Variants in GTF3C4 observed in about 807,000 individuals in gnomAD.
The protein encoded by GTF3C4 is general transcription factor IIIC subunit 4.
A neutral mutation model predicts 67.5 loss-of-function variants in GTF3C4; 28 were observed. The observed-to-expected ratio is 0.41, with a 90% confidence interval of 0.31 to 0.57. The LOEUF is 0.57. Ranked by LOEUF, GTF3C4 falls within the 20% of genes least tolerant of loss-of-function variation. GTF3C4 has a pLI of 0.21. For synonymous variants in GTF3C4, 409 were observed against 393.0 expected, an observed-to-expected ratio of 1.04 and a Z score of -0.48; for missense variants, 831 against 1,033.2, an observed-to-expected ratio of 0.80 and a Z score of 2.68.
Position 132,670,526 on chromosome 9 carries a change from C to G in GTF3C4, c.-73C>G. 4 of 1,175,992 alleles carry G rather than the reference C, an allele frequency of 3.4e-6. No individual in the cohort carries two copies. In the East Asian group the frequency reaches 8.9e-5, roughly 26 times the overall value. 72.8% of individuals were successfully genotyped at this position (1,175,992 alleles called of 1,614,324 possible). A position where few individuals can be genotyped will look rare whatever the true frequency, so the allele number is the denominator to read the frequency against. ...CCGCCGCGGAGGGCGCTGGGGGTGG[C>G]GGCGGCGGTCCGGGAGGTGGTCGCG... is the stretch of plus-strand genomic sequence containing the variant. On this transcript the variant is annotated 5_prime_UTR_variant, in exon 1 of 5. Transcript: ENST00000372146.
intron 1 of GTF3C4, among the ~76,000 whole-genome samples, chr9:132,672,509 AATT>A (rs889500920): frequency 6.6e-6 from 1 of 152,196 alleles, no homozygotes; most frequent in Non-Finnish European, 1.5e-5. Flanking sequence ...GAACATAATT[AATT>A]ATTGTTTGTA....
Position 132,670,725 on chromosome 9 carries a change from C to T in GTF3C4, c.127C>T (p.Pro43Ser). 2.0e-6 allele frequency: 3 copies of T among 1,534,886 alleles called. No homozygotes were observed. The highest frequency in any genetic ancestry group is 2.6e-6 in the Non-Finnish European group (3 of 1,147,798). The part of the protein sequence containing the change: ...KEPAADAAPG[P>S]SAAFRLMVTR... The stretch of plus-strand genomic sequence containing the variant: ...GCCAGCAGCGGACGCGGCCCCGGGG[C>T]CCAGCGCTGCATTCCGCCTCATGGT... The change falls in exon 1 of 5, where the codon CCC (proline) becomes TCC (serine). Residue 43 changes from proline to serine, a missense_variant. By Grantham distance (74) the Pro-to-Ser change is moderately conservative. Coordinates refer to ENST00000372146, the MANE Select transcript of GTF3C4 (RefSeq NM_012204.4).
chr9:132,680,219 A>G (rs1191339238), intron 2 of GTF3C4, among the ~76,000 whole-genome samples: 1 of 152,238 alleles, frequency 6.6e-6, no homozygotes, highest in Non-Finnish European at 1.5e-5. Context: ...ACTTAAGGAT[A>G]TCTTCAGATT....
At chr9:132,671,540 T>G (rs746911156) in intron 1 of GTF3C4, among the ~76,000 whole-genome samples, 5 of 152,250 alleles carry the variant, frequency 3.3e-5, no homozygotes, top group Non-Finnish European at 7.3e-5. Flanking sequence ...ACTTTAGTTT[T>G]TCTTTACTAG....
At position 132,687,202 on chromosome 9, in the gene GTF3C4, A is replaced by AC. The variant is rs781225248; in HGVS notation, c.2316-34dup. ...CAGTTTCTGAGTGTTAGTAGAGCAAACCCTCTCCCTTGCCAATACAGTCTG... is the reference window on the plus strand; with the variant it reads ...CAGTTTCTGAGTGTTAGTAGAGCAAACCCCTCTCCCTTGCCAATACAGTCTG... On this transcript the variant is annotated intron_variant, in intron 3 of 4. Coordinates refer to ENST00000372146, the MANE Select transcript of GTF3C4 (RefSeq NM_012204.4). The AC allele has an allele frequency of 4.3e-4, 487 of 1,137,998 alleles. 1 individual carries two copies. The highest frequency in any genetic ancestry group is 5.9e-4 in the Non-Finnish European group (443 of 744,758). 70.5% of individuals were successfully genotyped at this position (1,137,998 alleles called of 1,614,324 possible). A position where few individuals can be genotyped will look rare whatever the true frequency, so the allele number is the denominator to read the frequency against.
chr9:132,677,863 C>G (rs12338967), intron 1 of GTF3C4, 114 bp from the exon 2 acceptor site: 15 of 837,734 alleles, frequency 1.8e-5, no homozygotes, highest in African/African-American at 3.4e-5. Context: ...TATATTAATT[C>G]TAAGAAGAAT....
chr9:132,677,480 A>T (rs1835879359), intron 1 of GTF3C4, among the ~76,000 whole-genome samples: 1 of 152,194 alleles, frequency 6.6e-6, no homozygotes, highest in Admixed American at 6.5e-5. Context: ...CCTTATAGGG[A>T]GAATTAGATC....
chr9:132,679,383 G>A lies in GTF3C4; in HGVS notation c.1764G>A (p.Met588Ile), dbSNP rs765836358. ...LFLLRILYQS[M>I]QKTPSEALWK... ...TCCTGAGGATTTTATATCAGTCAAT[G>A]CAGAAAACCCCTTCAGAAGCCTTGT... The change falls in exon 2 of 5, where the codon ATG becomes ATA. Residue 588 changes from methionine to isoleucine, a missense_variant. Transcript: ENST00000372146. This position sits in a 1 kb window ranked among gnomAD's most constrained non-coding sequence, Gnocchi z 5.9. 1.9e-6 allele frequency: 3 copies of A among 1,614,150 alleles called. No individual in the cohort carries two copies. The highest frequency in any genetic ancestry group is 3.3e-5 in the Admixed American group (2 of 60,012).
intron 1 of GTF3C4, among the ~76,000 whole-genome samples, chr9:132,675,674 A>G (rs973253008): frequency 3.9e-5 from 6 of 152,244 alleles, no homozygotes; most frequent in Admixed American, 3.9e-4. Context: ...TTCAAGGGAG[A>G]ACGACATATA....
At chr9:132,672,589 A>G (rs1322599690) in intron 1 of GTF3C4, among the ~76,000 whole-genome samples, 1 of 152,212 alleles carries the variant, frequency 6.6e-6, no homozygotes, top group Admixed American at 6.5e-5. Context: ...AGATGAGACC[A>G]GTTTGTGGAC....
In GTF3C4 at chr9:132,688,861, C is replaced by T. The variant is rs756139313; in HGVS notation, c.2405-20C>T. The T allele has an allele frequency of 6.3e-7, 1 of 1,590,618 alleles. No homozygotes were observed. The highest frequency in any genetic ancestry group is 1.1e-5 in the South Asian group (1 of 90,628). On this transcript the variant is annotated intron_variant, in intron 4 of 4. Coordinates refer to ENST00000372146, the MANE Select transcript of GTF3C4 (RefSeq NM_012204.4). ...CTTTTCCGAAGCTAACAGTTGATAC[C>T]ACTTGTCCTCCTTTTGCAGATCCCG...
rs1835912850 is a variant in GTF3C4, at chr9:132,679,648, G to A, written c.2029G>A (p.Glu677Lys). ...ACTCCTGGAAATCCAAGGGAAAATC[G>A]AAGCTGTGGAGATGCACTTGACCAG... ...EKLLEIQGKIEAVEMHLTREH... is the reference protein window; with the variant it reads ...EKLLEIQGKIKAVEMHLTREH... Residue 677 changes from glutamate to lysine, a missense_variant, in exon 2 of 5, where the codon GAA (glutamate) becomes AAA (lysine). Transcript: ENST00000372146. This position sits in a 1 kb window ranked among gnomAD's most constrained non-coding sequence, Gnocchi z 5.9. 17 of 1,614,150 alleles carry A rather than the reference G, an allele frequency of 1.1e-5. No individual in the cohort carries two copies. The highest frequency in any genetic ancestry group is 1.4e-5 in the Non-Finnish European group (17 of 1,180,030).
chr9:132,670,747 TG>T lies in GTF3C4; in HGVS notation c.151del (p.Val51Ter). On this transcript the variant is annotated frameshift_variant, in exon 1 of 5. Transcript: ENST00000372146. LOFTEE classifies it high-confidence loss of function. ...GGGCCCAGCGCTGCATTCCGCCTCA[TG>T]GTGACTCGGCGGGAGCCGGCCGTGA... is the stretch of plus-strand genomic sequence containing the variant. ...APGPSAAFRL[M>X]VTRREPAVKL... 1 of 1,556,470 alleles carries T rather than the reference TG, an allele frequency of 6.4e-7. No homozygotes were observed. The highest frequency in any genetic ancestry group is 8.6e-7 in the Non-Finnish European group (1 of 1,157,706).
At chr9:132,687,208 T>C (rs772633059) in intron 3 of GTF3C4, 31 bp from the exon 4 acceptor site, 7 of 1,222,876 alleles carry the variant, frequency 5.7e-6, no homozygotes, top group Middle Eastern at 1.9e-4. Context: ...GCAAACCCTC[T>C]CCCTTGCCAA....
rs542730730 is a variant in GTF3C4, at chr9:132,671,249, G to T, written c.357+294G>T. On this transcript the variant is annotated intron_variant, in intron 1 of 4. Transcript: ENST00000372146. ...AACCCCTCCTTCGCCCCTCCGTCGG[G>T]CCCGCACATGGAGCGGGTTACTCGA... Among the ~76,000 whole-genome samples, 582 of 152,276 alleles carry T rather than the reference G, an allele frequency of 3.8e-3. 5 individuals carry two copies. Among genetic ancestry groups the T allele is most frequent in the African/African-American group, 0.013 (552 of 41,542 alleles).
rs530087710 is a variant in GTF3C4 at position 132,679,983 on chromosome 9, A to G, written c.2184+180A>G. 1.2e-4 allele frequency among the ~76,000 whole-genome samples: 19 copies of G among 152,350 alleles called. No individual in the cohort carries two copies. Among genetic ancestry groups the G allele is most frequent in the African/African-American group, 4.3e-4 (18 of 41,588 alleles). ...GGATTAATGCAGAGGATGCATTCAT[A>G]GCATATAAAGAATATTTTGATTCTT... On this transcript the variant is annotated intron_variant, in intron 2 of 4. Coordinates refer to ENST00000372146, the MANE Select transcript of GTF3C4 (RefSeq NM_012204.4). This position sits in a 1 kb window ranked among gnomAD's most constrained non-coding sequence, Gnocchi z 5.9.
chr9:132,674,169 A>T (rs1197700188), intron 1 of GTF3C4, among the ~76,000 whole-genome samples: 1 of 152,358 alleles, frequency 6.6e-6, no homozygotes, highest in East Asian at 1.9e-4. Flanking sequence ...TTAGTATTAA[A>T]AGTATTTGCC....
Position 132,692,418 on chromosome 9 carries a change from T to C in GTF3C4, c.*3473T>C, listed in dbSNP as rs1009232039. 1 of 152,228 alleles carries C rather than the reference T, an allele frequency of 6.6e-6. No individual in the cohort carries two copies. The highest frequency in any genetic ancestry group is 2.4e-5 in the African/African-American group (1 of 41,458). The allele number at this position is 152,228 out of a possible 1,614,324, so 9.4% of individuals were successfully genotyped here. A position where few individuals can be genotyped will look rare whatever the true frequency, so the allele number is the denominator to read the frequency against. ...TGCTCAGTAGCTCTTGGTTTGACTT[T>C]GGGCTAAGGGATGTGAAATTTTAGC... On this transcript the variant is annotated 3_prime_UTR_variant, in exon 5 of 5. Transcript: ENST00000372146.
In GTF3C4 at chr9:132,690,305, A is replaced by G. The variant is rs1171654516; in HGVS notation, c.*1360A>G. On this transcript the variant is annotated 3_prime_UTR_variant, in exon 5 of 5. Transcript: ENST00000372146. ...CTACAAATACAAAAGTTAGCCTGGC[A>G]TGGTGGCGCATGCCTGTAATCTCAG... 2 of 152,184 alleles carry G rather than the reference A, an allele frequency of 1.3e-5. No homozygotes were observed. The highest frequency in any genetic ancestry group is 4.8e-5 in the African/African-American group (2 of 41,436). 9.4% of individuals were successfully genotyped at this position (152,184 alleles called of 1,614,324 possible).
Sources: allele counts gnomAD v4.1 joint callset (sites outside exome capture counted in the v4.1 genomes callset), GRCh38; gene constraint gnomAD v4.1.1; non-coding constraint Gnocchi (gnomAD v3.1); transcripts MANE v1.5; gene names NCBI Gene and HGNC (gene_info 2026-07-23, HGNC 2026-07-21).